The following FRMD4A variants were observed in gnomAD, a reference collection of about 807,000 sequenced individuals.
FRMD4A encodes the protein FERM domain containing 4A.
In FRMD4A, 29 loss-of-function variants were observed where a neutral mutation model predicts 129.1. The observed-to-expected ratio is 0.22, with a 90% CI of 0.17 to 0.31. FRMD4A has a LOEUF of 0.31. FRMD4A is among the 10% of genes least tolerant of loss of function. The probability of loss-of-function intolerance (pLI) is 1.00; values close to 1 mark genes in which losing one functional copy is unlikely to be tolerated. For synonymous variants in FRMD4A, 634 were observed against 571.6 expected, an observed-to-expected ratio of 1.11 and a Z score of -1.56; for missense variants, 1,272 against 1,375.8, an observed-to-expected ratio of 0.92 and a Z score of 1.19.
chr10:13,646,975 C>T lies in FRMD4A; in HGVS notation c.*63G>A. 2.0e-6 allele frequency: 2 copies of T among 984,808 alleles called. No individual in the cohort carries two copies. The highest frequency in any genetic ancestry group is 2.4e-6 in the Non-Finnish European group (2 of 828,986). 61.0% of individuals were successfully genotyped at this position (984,808 alleles called of 1,614,324 possible). A position where few individuals can be genotyped will look rare whatever the true frequency, so the allele number is the denominator to read the frequency against. On this transcript the variant is annotated 3_prime_UTR_variant, in exon 25 of 25. Coordinates refer to ENST00000357447, the MANE Select transcript of FRMD4A (RefSeq NM_018027.5). ...GCTTGGCTTTTTCCTGCCCGTACCA[C>T]TGGACATCAGCTAGTTCTGGATAGA... is the stretch of plus-strand genomic sequence containing the variant.
At chr10:14,321,530 C>T (rs777173931) in intron 2 of FRMD4A, among the ~76,000 whole-genome samples, 18 of 151,880 alleles carry the variant, frequency 1.2e-4, no homozygotes, top group Non-Finnish European at 2.2e-4. Flanking sequence ...GAGGAAGGGA[C>T]CCTGGGACAT....
chr10:14,284,605 A>C (rs1044484014), intron 2 of FRMD4A, among the ~76,000 whole-genome samples: 14 of 152,208 alleles, frequency 9.2e-5, no homozygotes, highest in African/African-American at 3.1e-4. Context: ...GTGAGTCGAG[A>C]TCGCGCCACT....
intron 5 of FRMD4A, among the ~76,000 whole-genome samples, chr10:13,788,268 C>T (rs2092915524): frequency 6.6e-6 from 1 of 152,200 alleles, no homozygotes; most frequent in Non-Finnish European, 1.5e-5. Context: ...TCCCTGCCCT[C>T]ACCACCCTAG....
chr10:14,028,757 T>C (rs1833097605), intron 2 of FRMD4A, among the ~76,000 whole-genome samples: 3 of 152,130 alleles, frequency 2.0e-5, no homozygotes, highest in Admixed American at 2.0e-4. Context: ...GAGGGAGGTA[T>C]GTAGTACACC....
Position 13,969,490 on chromosome 10 carries a change from G to A in FRMD4A, c.46-110578C>T, listed in dbSNP as rs530055536. 2.6e-5 allele frequency among the ~76,000 whole-genome samples: 4 copies of A among 152,304 alleles called. No individual in the cohort carries two copies. In the East Asian group the frequency reaches 5.8e-4, roughly 22 times the overall value. ...TCAGCACTCTCTACAGTATACTTAC[G>A]ACATTAATGGAAATCCTAAAAAATG... On this transcript the variant is annotated intron_variant, in intron 2 of 24. Coordinates refer to ENST00000357447, the MANE Select transcript of FRMD4A (RefSeq NM_018027.5).
intron 2 of FRMD4A, among the ~76,000 whole-genome samples, chr10:13,966,140 C>G (rs1788989810): frequency 6.6e-6 from 1 of 152,132 alleles, no homozygotes; most frequent in African/African-American, 2.4e-5. Context: ...CTGCCTCAGC[C>G]TCCTCAGTAG....
chr10:14,311,140 C>T (rs1027887000), intron 2 of FRMD4A, among the ~76,000 whole-genome samples: 7 of 152,114 alleles, frequency 4.6e-5, no homozygotes, highest in Admixed American at 2.6e-4. Flanking sequence ...GCCACCAGTG[C>T]GCCAGCAACA....
At chr10:14,154,093 TGACTG>T (rs1379119848) in intron 2 of FRMD4A, among the ~76,000 whole-genome samples, 1 of 152,120 alleles carries the variant, frequency 6.6e-6, no homozygotes, top group Non-Finnish European at 1.5e-5. Context: ...TTGAAATACT[TGACTG>T]GAAAGTATCT....
chr10:13,967,180 C>CA (rs1444107945), intron 2 of FRMD4A, among the ~76,000 whole-genome samples: 6 of 152,050 alleles, frequency 3.9e-5, no homozygotes, highest in African/African-American at 1.2e-4. Context: ...ACTAAAAATA[C>CA]AAAAAAATTA....
chr10:13,657,009 G>A lies in FRMD4A; in HGVS notation c.2580C>T (p.His860=), dbSNP rs1207119973. 18 of 1,569,166 alleles carry A rather than the reference G, an allele frequency of 1.1e-5. No individual in the cohort carries two copies. The East Asian group carries it at 3.8e-4, about 33-fold the overall frequency. ...VRSLESDQEG[H]YSVKAQFKTS... Reference sequence around the variant, plus strand: ...TCTTGAACTGAGCCTTGACGCTGTAGTGGCCCTCCTGGTCGCTCTCCAGGC... The same window carrying A: ...TCTTGAACTGAGCCTTGACGCTGTAATGGCCCTCCTGGTCGCTCTCCAGGC... The change falls in exon 22 of 25, where the codon CAC becomes CAT. Residue 860 remains histidine, a synonymous_variant. Coordinates refer to ENST00000357447, the MANE Select transcript of FRMD4A (RefSeq NM_018027.5).
At chr10:14,053,977 A>C (rs1834384969) in intron 2 of FRMD4A, among the ~76,000 whole-genome samples, 1 of 152,164 alleles carries the variant, frequency 6.6e-6, no homozygotes, top group South Asian at 2.1e-4. Context: ...ACTGCACTCC[A>C]GCCTCGGCAA....
intron 2 of FRMD4A, among the ~76,000 whole-genome samples, chr10:14,128,552 T>A (rs2131823928): frequency 6.6e-6 from 1 of 152,314 alleles, no homozygotes; most frequent in South Asian, 2.1e-4. Flanking sequence ...GCCATGCTTT[T>A]CCTGTGACGA....
chr10:14,298,169 C>T (rs898341348), intron 2 of FRMD4A, among the ~76,000 whole-genome samples: 1 of 152,128 alleles, frequency 6.6e-6, no homozygotes, highest in African/African-American at 2.4e-5. Context: ...AAAATATTTA[C>T]TATCTGGCCC....
intron 2 of FRMD4A, among the ~76,000 whole-genome samples, chr10:14,101,244 ACGACTG>A (rs945697187): frequency 1.3e-5 from 2 of 152,230 alleles, no homozygotes; most frequent in African/African-American, 4.8e-5. Context: ...ATAGCACATG[ACGACTG>A]CAGGATCTCC....
chr10:13,782,589 A>G (rs1341383311), intron 6 of FRMD4A, among the ~76,000 whole-genome samples: 1 of 152,012 alleles, frequency 6.6e-6, no homozygotes, highest in Non-Finnish European at 1.5e-5. Flanking sequence ...GACTACAGGC[A>G]TGTGCCACCA....
At chr10:14,329,897 G>C (rs757210517) in intron 2 of FRMD4A, among the ~76,000 whole-genome samples, 161 bp downstream of exon 2, 2 of 152,194 alleles carry the variant, frequency 1.3e-5, no homozygotes, top group Non-Finnish European at 2.9e-5. Context: ...GCTTTGTCAT[G>C]CTGATACTCT....
In FRMD4A at chr10:14,305,155, G is replaced by A. The variant is rs72780834; in HGVS notation, c.45+24903C>T. ...CTATTACCAGCATGTGTCCAGTCTT[G>A]GTCAGTGTGAAAAGCAGTTAGTGAA... On this transcript the variant is annotated intron_variant, in intron 2 of 24. Coordinates refer to ENST00000357447, the MANE Select transcript of FRMD4A (RefSeq NM_018027.5). Among the ~76,000 whole-genome samples the A allele has an allele frequency of 5.6e-3, 847 of 152,258 alleles. 19 individuals carry two copies. In the South Asian group the frequency reaches 0.061, roughly 11 times the overall value.
intron 2 of FRMD4A, among the ~76,000 whole-genome samples, chr10:14,003,195 G>T (rs553028232): frequency 5.3e-5 from 8 of 152,314 alleles, no homozygotes; most frequent in Admixed American, 3.3e-4. Flanking sequence ...CCACGGAATA[G>T]AGGAGCAGGA....
intron 2 of FRMD4A, among the ~76,000 whole-genome samples, chr10:14,211,388 G>C (rs564507629): frequency 6.6e-5 from 10 of 152,278 alleles, no homozygotes; most frequent in African/African-American, 2.4e-4. Context: ...GAAGTCACGT[G>C]GGTCTGGTTT....
Sources: allele counts gnomAD v4.1 joint callset (sites outside exome capture counted in the v4.1 genomes callset), GRCh38; gene constraint gnomAD v4.1.1; transcripts MANE v1.5; gene names NCBI Gene and HGNC (gene_info 2026-07-23, HGNC 2026-07-21).